The following ZNF385D variants were observed in gnomAD, a reference collection of about 807,000 sequenced individuals.
ZNF385D encodes the protein zinc finger protein 659.
A neutral mutation model predicts 35.8 loss-of-function variants in ZNF385D; 15 were observed. The observed-to-expected ratio is 0.42, with a 90% CI of 0.28 to 0.64. ZNF385D has a LOEUF of 0.64. Among genes scored for constraint, ZNF385D ranks in the 30% least tolerant of loss-of-function variants. The pLI, the probability that ZNF385D is intolerant of heterozygous loss-of-function variation, is 0.23. For synonymous variants in ZNF385D, 212 were observed against 186.8 expected, an observed-to-expected ratio of 1.13 and a Z score of -1.10; for missense variants, 474 against 494.6, an observed-to-expected ratio of 0.96 and a Z score of 0.39.
At chr3:21,817,676 C>T (rs937849233) in intron 3 of ZNF385D, among the ~76,000 whole-genome samples, 3 of 152,156 alleles carry the variant, frequency 2.0e-5, no homozygotes, top group Non-Finnish European at 4.4e-5. Flanking sequence ...TGGGAAACAA[C>T]AGGTGCTGGA....
intron 2 of ZNF385D, among the ~76,000 whole-genome samples, chr3:22,183,454 T>C (rs1695418676): frequency 6.6e-6 from 1 of 151,750 alleles, no homozygotes; most frequent in African/African-American, 2.4e-5. Flanking sequence ...GCCTCCCGGG[T>C]TCAAGCGATT....
At chr3:22,062,126 C>G (rs2125543577) in intron 3 of ZNF385D, among the ~76,000 whole-genome samples, 1 of 152,296 alleles carries the variant, frequency 6.6e-6, no homozygotes, top group African/African-American at 2.4e-5. Context: ...CAGCCTCGAC[C>G]TCCTAAGCTC....
chr3:21,951,649 T>C (rs2125299347), intron 3 of ZNF385D, among the ~76,000 whole-genome samples: 1 of 151,784 alleles, frequency 6.6e-6, no homozygotes, highest in Middle Eastern at 3.4e-3. Flanking sequence ...TTGTTTTCCA[T>C]GACAATGCTT....
chr3:22,091,019 A>G (rs1390594235), intron 3 of ZNF385D, among the ~76,000 whole-genome samples: 1 of 152,250 alleles, frequency 6.6e-6, no homozygotes, highest in East Asian at 1.9e-4. Context: ...CAATAGAAAC[A>G]TGGTGGGGTG....
intron 1 of ZNF385D, among the ~76,000 whole-genome samples, chr3:21,684,385 TCTCTCTCTCTCTCTCTCTC>T (rs778326488): frequency 0.11 from 9,052 of 83,828 alleles, 628 homozygotes; most frequent in Middle Eastern, 0.15. Flanking sequence ...TCTCTCTCTC[TCTCTCTCTCTCTCTCTCTC>T]CTCTCTCTCT....
chr3:22,157,408 G>A (rs988673577), intron 3 of ZNF385D, among the ~76,000 whole-genome samples: 9 of 151,158 alleles, frequency 6.0e-5, no homozygotes, highest in African/African-American at 1.9e-4. Flanking sequence ...CTATAAGACA[G>A]GAATTAAATT....
At chr3:22,212,818 G>A (rs1032653350) in intron 2 of ZNF385D, among the ~76,000 whole-genome samples, 1 of 151,908 alleles carries the variant, frequency 6.6e-6, no homozygotes, top group African/African-American at 2.4e-5. Flanking sequence ...ACATTCGCTT[G>A]TTATCTTATT....
chr3:22,038,324 G>A (rs1698461190), intron 3 of ZNF385D, among the ~76,000 whole-genome samples: 1 of 152,284 alleles, frequency 6.6e-6, no homozygotes, highest in Non-Finnish European at 1.5e-5. Context: ...AATCCCTGGA[G>A]TCGAATTGCC....
At chr3:21,899,242 C>G (rs1027496551) in intron 3 of ZNF385D, among the ~76,000 whole-genome samples, 3 of 152,030 alleles carry the variant, frequency 2.0e-5, no homozygotes, top group Non-Finnish European at 2.9e-5. Context: ...CCCAAAGTAT[C>G]AATAGTGCCA....
At chr3:22,201,112 G>A (rs919275118) in intron 2 of ZNF385D, among the ~76,000 whole-genome samples, 4 of 152,132 alleles carry the variant, frequency 2.6e-5, no homozygotes, top group Non-Finnish European at 5.9e-5. Flanking sequence ...TTGGGGAAGT[G>A]ATAAGTGTCC....
At chr3:21,977,988 T>C (rs1421261202) in intron 3 of ZNF385D, among the ~76,000 whole-genome samples, 1 of 152,190 alleles carries the variant, frequency 6.6e-6, no homozygotes, top group Non-Finnish European at 1.5e-5. Context: ...AGGTAGTTGG[T>C]ATAGCCAAAG....
chr3:21,697,803 T>C (rs904555782), intron 1 of ZNF385D, among the ~76,000 whole-genome samples: 4 of 151,882 alleles, frequency 2.6e-5, no homozygotes, highest in Non-Finnish European at 5.9e-5. Flanking sequence ...AAACAGACAT[T>C]TCTCAAAAAA....
At chr3:21,834,297 C>T (rs1472218791) in intron 3 of ZNF385D, among the ~76,000 whole-genome samples, 3 of 152,120 alleles carry the variant, frequency 2.0e-5, no homozygotes, top group African/African-American at 7.2e-5. Flanking sequence ...CAAGTCTAAA[C>T]AGCAAAACTC....
At chr3:21,905,073 T>C (rs1233721920) in intron 3 of ZNF385D, among the ~76,000 whole-genome samples, 1 of 152,020 alleles carries the variant, frequency 6.6e-6, no homozygotes, top group African/African-American at 2.4e-5. Flanking sequence ...TGAACACATC[T>C]TTGACTTTCA....
At position 21,810,891 on chromosome 3, in the gene ZNF385D, T is replaced by C. The variant is rs139182545; in HGVS notation, c.326-145863A>G. Among the ~76,000 whole-genome samples, 606 of 151,688 alleles carry C rather than the reference T, an allele frequency of 4.0e-3. 9 individuals carry two copies. The highest frequency in any genetic ancestry group is 0.014 in the African/African-American group (578 of 41,434). The stretch of plus-strand genomic sequence containing the variant: ...TTGTAAAGATAAATTAAATGGTAAA[T>C]TGTTTATATATGTACATATATAATG... On this transcript the variant is annotated intron_variant, in intron 3 of 5. Transcript: ENST00000494108.
Position 21,950,218 on chromosome 3 carries a change from G to A in ZNF385D, c.325+218599C>T, listed in dbSNP as rs1298484129. On this transcript the variant is annotated intron_variant, in intron 3 of 5. Coordinates refer to the ZNF385D transcript ENST00000494108. ...TTTCTCCACATCTTCTCCAGTATCT[G>A]TTGTTTCCTGACTTTTTAATGATCA... Among the ~76,000 whole-genome samples the A allele has an allele frequency of 1.3e-5, 2 of 151,740 alleles. 1 individual carries two copies. The highest frequency in any genetic ancestry group is 4.9e-5 in the African/African-American group (2 of 41,038).
chr3:22,256,798 C>T (rs993874749), intron 2 of ZNF385D, among the ~76,000 whole-genome samples: 3 of 151,790 alleles, frequency 2.0e-5, no homozygotes, highest in Non-Finnish European at 4.4e-5. Context: ...CACCATTCTT[C>T]AATGTGTTGT....
intron 3 of ZNF385D, among the ~76,000 whole-genome samples, chr3:21,760,715 A>G (rs1253968157): frequency 6.6e-6 from 1 of 152,180 alleles, no homozygotes; most frequent in Non-Finnish European, 1.5e-5. Flanking sequence ...ATAGAATACA[A>G]TTCATAAGAA....
rs1183440640 is a variant in ZNF385D at position 21,636,378 on chromosome 3, T to TTATATA, written c.165+28502_165+28507dup. Among the ~76,000 whole-genome samples the TTATATA allele has an allele frequency of 8.4e-3, 401 of 47,958 alleles. 7 individuals carry two copies. The highest frequency in any genetic ancestry group is 0.025 in the African/African-American group (282 of 11,092). The allele number at this position is 47,958 out of a possible 152,430, so 31.5% of individuals were successfully genotyped here. ...ATTATATATGATTATATATATATGA[T>TTATATA]TATATATATATATATATATATATAT... is the stretch of plus-strand genomic sequence containing the variant. On this transcript the variant is annotated intron_variant, in intron 2 of 7. Transcript: ENST00000281523.
Sources: gnomAD v4.1 joint callset for allele counts (sites outside exome capture counted in the v4.1 genomes callset) on GRCh38, gnomAD v4.1.1 for gene constraint, MANE v1.5 for transcripts, NCBI Gene and HGNC (gene_info 2026-07-23, HGNC 2026-07-21) for gene names.